Variants in STK33 observed in about 807,000 individuals in gnomAD.
STK33 encodes the protein serine/threonine kinase 33, also known as serine/threonine-protein kinase 33.
In STK33, 52 loss-of-function variants were observed where a neutral mutation model predicts 58.0. The observed-to-expected ratio is 0.90, with a 90% CI of 0.72 to 1.13. STK33 has a LOEUF of 1.13. Ranked by LOEUF, STK33 falls within the 50% of genes most tolerant of loss-of-function variation. STK33 has a pLI of 0.00. For missense variants in STK33, 630 were observed against 604.2 expected (o/e 1.04, Z -0.45); for synonymous variants, 215 against 200.1 (o/e 1.07, Z -0.63).
chr11:8,458,119 A>G (rs1045501356), intron 8 of STK33, among the ~76,000 whole-genome samples: 2 of 152,110 alleles, frequency 1.3e-5, no homozygotes, highest in African/African-American at 2.4e-5. Context: ...CGTGTATGAT[A>G]TTACCAATTG....
intron 7 of STK33, among the ~76,000 whole-genome samples, chr11:8,462,448 C>CACACACAA (rs1283462403): frequency 8.6e-6 from 1 of 115,738 alleles, no homozygotes; most frequent in African/African-American, 3.4e-5. Flanking sequence ...TATATACACA[C>CACACACAA]ACACACACAC....
rs371270258 is a variant in STK33 at position 8,435,590 on chromosome 11, G to A, written c.1061-11C>T. The A allele has an allele frequency of 2.8e-6, 4 of 1,447,470 alleles. No individual in the cohort carries two copies. Among genetic ancestry groups the A allele is most frequent in the Non-Finnish European group, 3.7e-6 (4 of 1,085,512 alleles). 89.7% of individuals were successfully genotyped at this position (1,447,470 alleles called of 1,614,324 possible). Reference sequence around the variant, plus strand: ...TCAAAACACTTTTAGCTAAAAATAAGAAAAAAATCCTGAAAAATCTTATTT... The same window carrying A: ...TCAAAACACTTTTAGCTAAAAATAAAAAAAAAATCCTGAAAAATCTTATTT... On this transcript the variant is annotated splice_polypyrimidine_tract_variant and intron_variant, in intron 13 of 15. Transcript: ENST00000687296.
chr11:8,578,153 G>A (rs915710161), intron 1 of STK33, among the ~76,000 whole-genome samples: 3 of 152,074 alleles, frequency 2.0e-5, no homozygotes, highest in African/African-American at 7.2e-5. Context: ...CTGCTAATAG[G>A]AAAGCACTTA....
intron 1 of STK33, among the ~76,000 whole-genome samples, chr11:8,544,280 C>G (rs1955741051): frequency 6.8e-6 from 1 of 147,632 alleles, no homozygotes; most frequent in Admixed American, 6.8e-5. Flanking sequence ...AATATGAAAA[C>G]TATCCCAAGT....
At chr11:8,592,831 T>C (rs929716828) in intron 1 of STK33, among the ~76,000 whole-genome samples, 1 of 152,172 alleles carries the variant, frequency 6.6e-6, no homozygotes, top group Non-Finnish European at 1.5e-5. Context: ...GGGGGTAGCA[T>C]AATCAAATTT....
chr11:8,378,890 A>G, the STK33 span, among the ~76,000 whole-genome samples: 3 of 152,228 alleles, frequency 2.0e-5, no homozygotes, highest in Admixed American at 2.0e-4. Context: ...CAGACTTCAA[A>G]TTATACTACA....
intron 1 of STK33, among the ~76,000 whole-genome samples, chr11:8,481,553 A>G (rs999867935): frequency 1.3e-5 from 2 of 152,214 alleles, no homozygotes; most frequent in Non-Finnish European, 2.9e-5. Flanking sequence ...GACATGTAAA[A>G]GAAGTCTGAA....
At chr11:8,545,693 A>G (rs926211920) in intron 1 of STK33, among the ~76,000 whole-genome samples, 5 of 152,208 alleles carry the variant, frequency 3.3e-5, no homozygotes, top group African/African-American at 1.2e-4. Context: ...AAGAAACATA[A>G]AGGTCTAGTT....
chr11:8,562,164 C>T (rs1248117679), intron 1 of STK33, among the ~76,000 whole-genome samples: 1 of 152,208 alleles, frequency 6.6e-6, no homozygotes, highest in Non-Finnish European at 1.5e-5. Flanking sequence ...GTACTTCATT[C>T]TGCATGCTTA....
At chr11:8,372,126 C>A in the STK33 span, among the ~76,000 whole-genome samples, 1 of 152,238 alleles carries the variant, frequency 6.6e-6, no homozygotes, top group South Asian at 2.1e-4. Flanking sequence ...CCTCAGCCTC[C>A]CAAAGTGCTG....
chr11:8,586,709 A>T (rs1270817360), intron 1 of STK33, among the ~76,000 whole-genome samples: 1 of 151,074 alleles, frequency 6.6e-6, no homozygotes, highest in South Asian at 2.1e-4. Flanking sequence ...TTGTAATCCC[A>T]GTAACTCGGG....
chr11:8,423,642 A>T (rs960395114), intron 14 of STK33, among the ~76,000 whole-genome samples: 1 of 152,102 alleles, frequency 6.6e-6, no homozygotes, highest in African/African-American at 2.4e-5. Context: ...GGACAAGACC[A>T]ATTTTGGTAA....
At chr11:8,363,303 T>C in the STK33 span, among the ~76,000 whole-genome samples, 68,536 of 152,104 alleles carry the variant, frequency 0.45, 16,135 homozygotes, top group East Asian at 0.6. Context: ...TAAAAATTTA[T>C]TTATTTAAGA....
At chr11:8,544,619 A>C (rs1955777646) in intron 1 of STK33, among the ~76,000 whole-genome samples, 2 of 152,034 alleles carry the variant, frequency 1.3e-5, no homozygotes, top group African/African-American at 4.8e-5. Context: ...CTATAGAACC[A>C]TATATTATTC....
At chr11:8,457,673 A>T (rs1297616223) in intron 8 of STK33, among the ~76,000 whole-genome samples, 194 bp from the exon 9 acceptor site, 1 of 152,210 alleles carries the variant, frequency 6.6e-6, no homozygotes, top group African/African-American at 2.4e-5. Context: ...ATCCCCAAGA[A>T]GCTCACAAAT....
chr11:8,559,660 C>A (rs1476492218), intron 1 of STK33, among the ~76,000 whole-genome samples: 1 of 152,096 alleles, frequency 6.6e-6, no homozygotes, highest in African/African-American at 2.4e-5. Context: ...ATAGTCACTA[C>A]CGGTTAAAAT....
intron 8 of STK33, among the ~76,000 whole-genome samples, chr11:8,460,159 A>G (rs1393079232): frequency 6.6e-6 from 1 of 152,220 alleles, no homozygotes; most frequent in African/African-American, 2.4e-5. Context: ...TCTAGCATCC[A>G]ACAAGGTAAA....
intron 15 of STK33, among the ~76,000 whole-genome samples, chr11:8,402,531 G>T (rs939858513): frequency 2.0e-5 from 3 of 152,056 alleles, no homozygotes; most frequent in Non-Finnish European, 4.4e-5. Flanking sequence ...TGAGTTAATG[G>T]GTGCAGCACA....
At chr11:8,406,882 TAGTG>T (rs1939317722) in intron 15 of STK33, among the ~76,000 whole-genome samples, 1 of 152,090 alleles carries the variant, frequency 6.6e-6, no homozygotes, top group Non-Finnish European at 1.5e-5. Context: ...TAAAGAGAAT[TAGTG>T]AGAGAGAACA....
Sources: allele counts gnomAD v4.1 joint callset (sites outside exome capture counted in the v4.1 genomes callset), GRCh38; gene constraint gnomAD v4.1.1; transcripts MANE v1.5; gene names NCBI Gene and HGNC (gene_info 2026-07-23, HGNC 2026-07-21).